Variants in RUSC2 observed in about 807,000 individuals in gnomAD.
RUSC2 encodes the protein RUN and SH3 domain containing 2.
Under a neutral mutation model 122.2 loss-of-function variants are expected in RUSC2, and 34 were observed. The observed-to-expected ratio is 0.28, with a 90% CI of 0.21 to 0.37. The LOEUF (loss-of-function observed/expected upper bound fraction) is 0.37, where lower values mean the gene tolerates loss of function less well. RUSC2 is among the 10% of genes least tolerant of loss of function. The pLI, the probability that RUSC2 is intolerant of heterozygous loss-of-function variation, is 1.00. For missense variants in RUSC2, 1,747 were observed against 1,952.4 expected (o/e 0.89, Z 1.98); for synonymous variants, 784 against 790.0 (o/e 0.99, Z 0.13).
In RUSC2 at chr9:35,561,366, G is replaced by A. The variant is rs779159435; in HGVS notation, c.4535G>A (p.Gly1512Glu). The A allele has an allele frequency of 1.9e-6, 3 of 1,612,548 alleles. No individual in the cohort carries two copies. The South Asian group carries it at 3.3e-5, about 18-fold the overall frequency. The part of the protein sequence containing the change: ...TLTPTPSPTP[G>E]SSQN Reference sequence around the variant, plus strand: ...ACCCCAACTCCAAGTCCAACCCCTGGAAGCAGCCAAAACTGAGGCCCTGTG... The same window carrying A: ...ACCCCAACTCCAAGTCCAACCCCTGAAAGCAGCCAAAACTGAGGCCCTGTG... The change falls in exon 12 of 12, where the codon GGA becomes GAA. Residue 1512 changes from glycine to glutamate, a missense_variant. Physicochemically the swap from Gly to Glu is moderately conservative, Grantham distance 98. Transcript: ENST00000361226.
chr9:35,520,219 G>A (rs1332710901), intron 1 of RUSC2, among the ~76,000 whole-genome samples: 1 of 152,168 alleles, frequency 6.6e-6, no homozygotes, highest in African/African-American at 2.4e-5. Flanking sequence ...AAGATGAGAT[G>A]CCTCCCAGAG....
intron 10 of RUSC2, 39 bp downstream of exon 10, chr9:35,560,890 A>T: frequency 6.3e-7 from 1 of 1,579,044 alleles, no homozygotes; most frequent in Non-Finnish European, 8.6e-7. Flanking sequence ...GGGAGTAGGG[A>T]GCCTGCTGTA....
intron 1 of RUSC2, among the ~76,000 whole-genome samples, chr9:35,539,909 A>G (rs572349856): frequency 6.6e-6 from 1 of 152,314 alleles, no homozygotes; most frequent in Non-Finnish European, 1.5e-5. Flanking sequence ...TCAAGGTCAG[A>G]TTGCTAGAGA....
Position 35,494,142 on chromosome 9 carries a change from A to G in RUSC2, c.-93+3970A>G, listed in dbSNP as rs1179772842. On this transcript the variant is annotated intron_variant, in intron 1 of 11. Transcript: ENST00000361226. ...CTCCAATTTTTCCACATCCTTGGCAACACTTGTTTTCTTTTTTTTTTTTTA... is the reference window on the plus strand; with the variant it reads ...CTCCAATTTTTCCACATCCTTGGCAGCACTTGTTTTCTTTTTTTTTTTTTA... 4.7e-5 allele frequency among the ~76,000 whole-genome samples: 7 copies of G among 150,010 alleles called. No individual in the cohort carries two copies. In the East Asian group the frequency reaches 9.7e-4, roughly 21 times the overall value.
At position 35,548,131 on chromosome 9, in the gene RUSC2, C is replaced by T. The variant is rs774902612; in HGVS notation, c.1610C>T (p.Pro537Leu). ...GCAGCCATGGCCGGGCCTGGCTCCC[C>T]ACCCAGGAGGGTCACCTCCTTTGCC... ...GPAAMAGPGS[P>L]PRRVTSFAEL... The change falls in exon 2 of 12, where the codon CCA becomes CTA. Residue 537 changes from proline to leucine, a missense_variant. By Grantham distance (98) the Pro-to-Leu change is moderately conservative (BLOSUM62 -3). Coordinates refer to ENST00000361226, the MANE Select transcript of RUSC2 (RefSeq NM_014806.5). This position sits in a 1 kb window ranked among gnomAD's most constrained non-coding sequence, Gnocchi z 4.5. The T allele has an allele frequency of 3.5e-5, 57 of 1,613,142 alleles. No individual in the cohort carries two copies. In the African/African-American group the frequency reaches 6.4e-4, roughly 18 times the overall value.
At chr9:35,542,995 A>G (rs1821671475) in intron 1 of RUSC2, among the ~76,000 whole-genome samples, 1 of 152,208 alleles carries the variant, frequency 6.6e-6, no homozygotes, top group Non-Finnish European at 1.5e-5. Flanking sequence ...GATGGCTGCA[A>G]CCCATAGGTA....
chr9:35,522,822 G>A (rs1267219382), intron 1 of RUSC2, among the ~76,000 whole-genome samples: 1 of 152,176 alleles, frequency 6.6e-6, no homozygotes, highest in Non-Finnish European at 1.5e-5. Context: ...TAGCCAAAAG[G>A]AATTACCTTA....
rs200025185 is a variant in RUSC2 at position 35,560,944 on chromosome 9, C to T, written c.4212-16C>T. On this transcript the variant is annotated splice_polypyrimidine_tract_variant and intron_variant, in intron 10 of 11. Coordinates refer to ENST00000361226, the MANE Select transcript of RUSC2 (RefSeq NM_014806.5). ...GCCCATCCTGGGCAGAGCCTGAGTC[C>T]AGCTGCTGTCCCTAGGCTCCCCTCG... 5 of 1,611,746 alleles carry T rather than the reference C, an allele frequency of 3.1e-6. No individual in the cohort carries two copies. The East Asian group carries it at 8.9e-5, about 29-fold the overall frequency.
At chr9:35,512,205 A>C (rs1156564626) in intron 1 of RUSC2, among the ~76,000 whole-genome samples, 1 of 152,110 alleles carries the variant, frequency 6.6e-6, no homozygotes, top group African/African-American at 2.4e-5. Context: ...AAAAATAGGA[A>C]AATCTCTTCA....
intron 2 of RUSC2, among the ~76,000 whole-genome samples, chr9:35,554,313 C>T (rs1821961419): frequency 1.3e-5 from 2 of 152,160 alleles, no homozygotes; most frequent in African/African-American, 2.4e-5. Flanking sequence ...AACATACCTC[C>T]GTTCAGGGGG....
chr9:35,559,296 C>A, intron 9 of RUSC2, 24 bp downstream of exon 9: 1 of 1,593,068 alleles, frequency 6.3e-7, no homozygotes, highest in Non-Finnish European at 8.6e-7. Context: ...CCCTGCAGGT[C>A]AAACTCAATG....
intron 1 of RUSC2, among the ~76,000 whole-genome samples, chr9:35,495,075 A>ATATACTATAGTATATATAATATATAC (rs1310646663): frequency 4.1e-4 from 2 of 4,916 alleles, no homozygotes; most frequent in African/African-American, 1.5e-3. Flanking sequence ...TATATATTAT[A>ATATACTATAGTATATATAATATATAC]TATAGTATAT....
chr9:35,498,757 A>G (rs1219085023), intron 1 of RUSC2, among the ~76,000 whole-genome samples: 3 of 149,588 alleles, frequency 2.0e-5, no homozygotes, highest in Non-Finnish European at 4.4e-5. Context: ...GCTACTCAGG[A>G]GGCTAAGGCA....
chr9:35,499,179 T>G (rs985395445), intron 1 of RUSC2, among the ~76,000 whole-genome samples: 4 of 151,550 alleles, frequency 2.6e-5, no homozygotes, highest in African/African-American at 9.7e-5. Flanking sequence ...CCCAGCTACT[T>G]GGGAGGCTGA....
chr9:35,561,521 C>CTGTG lies in RUSC2; in HGVS notation c.*140_*143dup. The CTGTG allele has an allele frequency of 1.5e-6, 1 of 683,744 alleles. No individual in the cohort carries two copies. The highest frequency in any genetic ancestry group is 2.5e-6 in the Non-Finnish European group (1 of 404,214). 42.4% of individuals were successfully genotyped at this position (683,744 alleles called of 1,614,324 possible). A position where few individuals can be genotyped will look rare whatever the true frequency, so the allele number is the denominator to read the frequency against. On this transcript the variant is annotated 3_prime_UTR_variant, in exon 12 of 12. Coordinates refer to ENST00000361226, the MANE Select transcript of RUSC2 (RefSeq NM_014806.5). ...GTATCCCTGTGCTGGCACCTGCTCC[C>CTGTG]TGTGCTCAGTATTAATTACGCCCCC...
At chr9:35,533,471 A>T (rs1023120316) in intron 1 of RUSC2, among the ~76,000 whole-genome samples, 2 of 152,198 alleles carry the variant, frequency 1.3e-5, no homozygotes, top group African/African-American at 4.8e-5. Context: ...AGCTTTATTG[A>T]AATATAATTG....
rs757283440 is a variant in RUSC2 at position 35,560,373 on chromosome 9, G to A, written c.3733G>A (p.Glu1245Lys). 6.2e-7 allele frequency: 1 copy of A among 1,613,712 alleles called. No homozygotes were observed. The highest frequency in any genetic ancestry group is 1.1e-5 in the South Asian group (1 of 91,062). The change falls in exon 10 of 12, where the codon GAG (glutamate) becomes AAG (lysine). Residue 1245 changes from glutamate (E) to lysine (K), a missense_variant. Transcript: ENST00000361226. ...AGGTGGAGAAGAGGAAGAGGAAGAAGAGGAGACAGAAGAGGTGGCAGAGGC... is the reference window on the plus strand; with the variant it reads ...AGGTGGAGAAGAGGAAGAGGAAGAAAAGGAGACAGAAGAGGTGGCAGAGGC... ...SEGGEEEEEEEETEEVAEAAG... is the reference protein window; with the variant it reads ...SEGGEEEEEEKETEEVAEAAG...
intron 1 of RUSC2, among the ~76,000 whole-genome samples, chr9:35,528,749 TCTCTC>T (rs1412520945): frequency 6.6e-6 from 1 of 152,144 alleles, no homozygotes. Context: ...CAAGCAGTCT[TCTCTC>T]CTCAGTCTCT....
intron 1 of RUSC2, among the ~76,000 whole-genome samples, chr9:35,542,141 C>T (rs891331376): frequency 6.6e-6 from 1 of 152,048 alleles, no homozygotes; most frequent in Non-Finnish European, 1.5e-5. Context: ...GAATTGGAAT[C>T]GTCTATGGAG....
Sources: allele counts gnomAD v4.1 joint callset (sites outside exome capture counted in the v4.1 genomes callset), GRCh38; gene constraint gnomAD v4.1.1; non-coding constraint Gnocchi (gnomAD v3.1); transcripts MANE v1.5; gene names NCBI Gene and HGNC (gene_info 2026-07-23, HGNC 2026-07-21).